The following COL28A1 variants were observed in gnomAD, a reference collection of about 807,000 sequenced individuals.
COL28A1 encodes the protein collagen type XXVIII alpha 1 chain.
In COL28A1, 161 loss-of-function variants were observed where a neutral mutation model predicts 150.2. The observed-to-expected ratio is 1.07, with a 90% CI of 0.94 to 1.22. The LOEUF (loss-of-function observed/expected upper bound fraction) is 1.22. Among genes scored for constraint, COL28A1 ranks in the 50% most tolerant of loss-of-function variants. The pLI, the probability that COL28A1 is intolerant of heterozygous loss-of-function variation, is 0.00. For synonymous variants in COL28A1, 552 were observed against 469.7 expected, an observed-to-expected ratio of 1.18 and a Z score of -2.26; for missense variants, 1,617 against 1,388.3, an observed-to-expected ratio of 1.16 and a Z score of -2.62.
intron 11 of COL28A1, among the ~76,000 whole-genome samples, chr7:7,493,790 C>T (rs951414437): frequency 2.0e-5 from 3 of 151,890 alleles, no homozygotes; most frequent in Non-Finnish European, 4.4e-5. Context: ...TCAGAATAGC[C>T]CTGGTAAGAC....
At chr7:7,505,896 G>A in intron 11 of COL28A1, 118 bp downstream of exon 11, 2 of 715,038 alleles carry the variant, frequency 2.8e-6, no homozygotes, top group Non-Finnish European at 5.1e-6. Context: ...AGGTTATTAT[G>A]CATTTCCAAA....
At position 7,477,671 on chromosome 7, in the gene COL28A1, C is replaced by T. The variant is rs926334377; in HGVS notation, c.1165-491G>A. Among the ~76,000 whole-genome samples the T allele has an allele frequency of 1.2e-4, 18 of 152,144 alleles. 1 individual carries two copies. The highest frequency in any genetic ancestry group is 7.9e-4 in the Admixed American group (12 of 15,282). On this transcript the variant is annotated intron_variant, in intron 13 of 34. Transcript: ENST00000399429. Reference sequence around the variant, plus strand: ...CTTCAGGAGTGAAGCTGCAGACCTTCGCAGTGAATGTTACAGCTCATATAG... The same window carrying T: ...CTTCAGGAGTGAAGCTGCAGACCTTTGCAGTGAATGTTACAGCTCATATAG...
At position 7,358,766 on chromosome 7, in the gene COL28A1, CCA is replaced by C. The variant is rs1780466920; in HGVS notation, c.3243_3244del (p.Cys1081TrpfsTer2). 6.2e-7 allele frequency: 1 copy of C among 1,613,882 alleles called. No homozygotes were observed. Among genetic ancestry groups the C allele is most frequent in the South Asian group, 1.1e-5 (1 of 91,052 alleles). Reference sequence around the variant, plus strand: ...ATAATACCATCGAACCACATATTCACCACAGTTTCCAGGCTTCAAGGCTTCCA... The same window carrying C: ...ATAATACCATCGAACCACATATTCACCAGTTTCCAGGCTTCAAGGCTTCCA... On this transcript the variant is annotated frameshift_variant, in exon 35 of 35. Transcript: ENST00000399429. LOFTEE classifies it high-confidence loss of function.
At chr7:7,374,098 C>G (rs1212311883) in intron 31 of COL28A1, among the ~76,000 whole-genome samples, 6 of 142,052 alleles carry the variant, frequency 4.2e-5, no homozygotes, top group African/African-American at 1.3e-4. Context: ...ATAATAAATA[C>G]TTATGTGCTC....
intron 33 of COL28A1, among the ~76,000 whole-genome samples, chr7:7,362,383 A>G (rs2128278954): frequency 6.6e-6 from 1 of 152,152 alleles, no homozygotes; most frequent in East Asian, 1.9e-4. Flanking sequence ...ATTTATTTAA[A>G]TAGTCAAATC....
intron 27 of COL28A1, among the ~76,000 whole-genome samples, chr7:7,383,234 A>G (rs1213823037): frequency 6.7e-6 from 1 of 149,498 alleles, no homozygotes; most frequent in African/African-American, 2.5e-5. Flanking sequence ...TTTCAAAATA[A>G]TACATCTTTT....
chr7:7,390,924 C>G (rs753910406), intron 27 of COL28A1, among the ~76,000 whole-genome samples: 11 of 151,980 alleles, frequency 7.2e-5, no homozygotes, highest in African/African-American at 2.2e-4. Flanking sequence ...ATCTTTTCAA[C>G]CAGCTCCTGG....
At chr7:7,444,565 TAC>T (rs1786105517) in intron 18 of COL28A1, 76 bp from the exon 19 acceptor site, 1 of 1,411,418 alleles carries the variant, frequency 7.1e-7, no homozygotes, top group East Asian at 2.3e-5. Flanking sequence ...GGATGTATCT[TAC>T]AGTGTCTGAG....
intron 27 of COL28A1, among the ~76,000 whole-genome samples, chr7:7,411,165 C>T (rs565232844): frequency 6.6e-6 from 1 of 152,190 alleles, no homozygotes; most frequent in East Asian, 1.9e-4. Context: ...GCAAAGACAC[C>T]TGATTCTATT....
At chr7:7,369,846 G>T (rs574448512) in intron 33 of COL28A1, among the ~76,000 whole-genome samples, 1 of 152,120 alleles carries the variant, frequency 6.6e-6, no homozygotes, top group African/African-American at 2.4e-5. Flanking sequence ...TGTACATGAA[G>T]GCTTCAGAAA....
chr7:7,542,547 C>T, the COL28A1 span, among the ~76,000 whole-genome samples: 1 of 152,202 alleles, frequency 6.6e-6, no homozygotes, highest in African/African-American at 2.4e-5. Context: ...AGTGTGATAA[C>T]ATCTATAAAA....
At chr7:7,538,194 T>C (rs563413437), upstream of COL28A1, among the ~76,000 whole-genome samples, 1 of 152,358 alleles carries the variant, frequency 6.6e-6, no homozygotes, top group Non-Finnish European at 1.5e-5. Context: ...CAATTAGTTT[T>C]GCACCCAGAG....
chr7:7,415,408 G>T (rs373147410), intron 27 of COL28A1, among the ~76,000 whole-genome samples: 1 of 152,140 alleles, frequency 6.6e-6, no homozygotes, highest in Non-Finnish European at 1.5e-5. Context: ...GTATTTCGTC[G>T]GTGCAAAAGT....
At chr7:7,486,361 T>C (rs1321726174) in intron 13 of COL28A1, among the ~76,000 whole-genome samples, 2 of 152,202 alleles carry the variant, frequency 1.3e-5, no homozygotes, top group African/African-American at 4.8e-5. Flanking sequence ...TGGGGTTTTC[T>C]ATGGAGGCCA....
In COL28A1 at chr7:7,390,917, T is replaced by A. The variant is rs1454964078; in HGVS notation, c.2137-9305A>T. On this transcript the variant is annotated intron_variant, in intron 27 of 34. Coordinates refer to ENST00000399429, the MANE Select transcript of COL28A1 (RefSeq NM_001037763.3). ...CAGCTAGTGGTCTATTGTGTTGATCTTTTCAACCAGCTCCTGGATTCACTG... is the reference window on the plus strand; with the variant it reads ...CAGCTAGTGGTCTATTGTGTTGATCATTTCAACCAGCTCCTGGATTCACTG... Among the ~76,000 whole-genome samples, 3 of 151,974 alleles carry A rather than the reference T, an allele frequency of 2.0e-5. No homozygotes were observed. In the East Asian group the frequency reaches 5.8e-4, roughly 29 times the overall value.
intron 27 of COL28A1, among the ~76,000 whole-genome samples, chr7:7,401,074 GA>G (rs1783174773): frequency 6.8e-6 from 1 of 146,188 alleles, no homozygotes; most frequent in African/African-American, 2.5e-5. Flanking sequence ...CAAATCTAAT[GA>G]TCATGTTTCA....
At chr7:7,437,523 T>C in intron 21 of COL28A1, 61 bp from the exon 22 acceptor site, 3 of 1,565,180 alleles carry the variant, frequency 1.9e-6, no homozygotes, top group Non-Finnish European at 2.6e-6. Context: ...AGAGACAATA[T>C]TAAGAAAAGT....
intron 15 of COL28A1, among the ~76,000 whole-genome samples, chr7:7,464,100 C>A (rs1461098567): frequency 6.6e-6 from 1 of 152,150 alleles, no homozygotes; most frequent in Non-Finnish European, 1.5e-5. Flanking sequence ...CCTTGTCCAA[C>A]AGGAAAACAT....
chr7:7,474,862 C>G (rs112482920), intron 14 of COL28A1, among the ~76,000 whole-genome samples, 193 bp from the exon 15 acceptor site: 1 of 152,098 alleles, frequency 6.6e-6, no homozygotes, highest in Non-Finnish European at 1.5e-5. Context: ...TTAGTCATAA[C>G]ACTTAAACAA....
Sources: gnomAD v4.1 joint callset for allele counts (sites outside exome capture counted in the v4.1 genomes callset) on GRCh38, gnomAD v4.1.1 for gene constraint, MANE v1.5 for transcripts, NCBI Gene and HGNC (gene_info 2026-07-23, HGNC 2026-07-21) for gene names.